MTTP: variants seen among roughly 807,000 people sequenced by gnomAD.
MTTP encodes the protein microsomal triglyceride transfer protein.
Under a neutral mutation model 90.6 loss-of-function variants are expected in MTTP, and 49 were observed. The ratio of observed to expected loss-of-function variants is 0.54; its 90% CI spans 0.43 to 0.69. The LOEUF (loss-of-function observed/expected upper bound fraction) is 0.69, where lower values mean the gene tolerates loss of function less well. MTTP is among the 30% of genes least tolerant of loss of function. The probability of loss-of-function intolerance (pLI) is 0.00; values close to 1 mark genes in which losing one functional copy is unlikely to be tolerated. For missense variants in MTTP, 945 were observed against 1,067.5 expected (o/e 0.89, Z 1.60); for synonymous variants, 347 against 384.2 (o/e 0.90, Z 1.13).
At chr4:99,617,643 C>T (rs933956996) in intron 15 of MTTP, among the ~76,000 whole-genome samples, 10 of 152,198 alleles carry the variant, frequency 6.6e-5, no homozygotes, top group Middle Eastern at 3.4e-3. Context: ...TCACTTCCAA[C>T]ACTGTCCCCA....
intron 3 of MTTP, among the ~76,000 whole-genome samples, chr4:99,585,970 T>C (rs753700448): frequency 6.6e-6 from 1 of 152,152 alleles, no homozygotes; most frequent in Non-Finnish European, 1.5e-5. Context: ...AGAGAAATTA[T>C]GGACAGGCAG....
chr4:99,596,188 G>GA (rs911968317), intron 7 of MTTP, among the ~76,000 whole-genome samples: 4 of 150,984 alleles, frequency 2.6e-5, no homozygotes, highest in Middle Eastern at 3.2e-3. Context: ...TTGAAAAAGA[G>GA]AAAAAAAAGG....
intron 15 of MTTP, among the ~76,000 whole-genome samples, chr4:99,616,716 A>G (rs1041830629): frequency 6.6e-6 from 1 of 152,198 alleles, no homozygotes; most frequent in Non-Finnish European, 1.5e-5. Context: ...AAGGGGGTCC[A>G]AGAAAATTCC....
Position 99,574,929 on chromosome 4 carries a change from T to G in MTTP, c.20T>G (p.Leu7Arg). The G allele has an allele frequency of 6.2e-7, 1 of 1,614,172 alleles. No homozygotes were observed. Residue 7 changes from leucine to arginine, a missense_variant, in exon 1 of 18, where the codon CTT (leucine) becomes CGT (arginine). Coordinates refer to ENST00000265517, the MANE Select transcript of MTTP (RefSeq NM_001386140.1). MILLAV[L>R]FLCFISSYSA... ...GTCAATATGATTCTTCTTGCTGTGC[T>G]TTTTCTCTGCTTCATTTCCTCATAT...
intron 2 of MTTP, 98 bp downstream of exon 2, chr4:99,582,190 A>G: frequency 7.9e-7 from 1 of 1,270,968 alleles, no homozygotes; most frequent in Non-Finnish European, 1.1e-6. Flanking sequence ...CCGTTTATAA[A>G]TCCATTTAGT....
At chr4:99,574,675 TAAAA>T (rs1724910082), upstream of MTTP, 1 of 904,770 alleles carries the variant, frequency 1.1e-6, no homozygotes, top group South Asian at 1.5e-5. Context: ...TGAAAAAAAT[TAAAA>T]AGAGTGAGAG....
intron 1 of MTTP, among the ~76,000 whole-genome samples, chr4:99,575,213 T>A (rs1160335655): frequency 6.6e-6 from 1 of 152,198 alleles, no homozygotes; most frequent in East Asian, 1.9e-4. Flanking sequence ...CTCAGACCAG[T>A]GTGTTCTTGC....
rs55744436 is a variant in MTTP at position 99,564,420 on chromosome 4, T to A, written c.-102+183T>A. The A allele has an allele frequency of 9.5e-3, 5,606 of 589,296 alleles. 42 individuals carry two copies. Among genetic ancestry groups the A allele is most frequent in the Admixed American group, 0.014 (404 of 28,734 alleles). 36.5% of individuals were successfully genotyped at this position (589,296 alleles called of 1,614,324 possible). A position where few individuals can be genotyped will look rare whatever the true frequency, so the allele number is the denominator to read the frequency against. The stretch of plus-strand genomic sequence containing the variant: ...ACATAACTCAAGTGGAAAATTAAAT[T>A]CAAAAAGTGAGTCAGATTCACAATA... On this transcript the variant is annotated intron_variant, in intron 1 of 18. Transcript: ENST00000457717.
At chr4:99,576,433 C>T (rs1339571259) in intron 1 of MTTP, among the ~76,000 whole-genome samples, 4 of 152,032 alleles carry the variant, frequency 2.6e-5, no homozygotes, top group African/African-American at 4.8e-5. Context: ...TGGTGGCTCA[C>T]GCCTGTAATC....
intron 1 of MTTP, among the ~76,000 whole-genome samples, chr4:99,569,633 AAAAG>A (rs564229383): frequency 7.9e-5 from 12 of 151,978 alleles, no homozygotes; most frequent in Non-Finnish European, 1.6e-4. Context: ...TAATGGCAAA[AAAAG>A]AAAATGCAAG....
At chr4:99,581,621 C>CA (rs112469528) in intron 1 of MTTP, among the ~76,000 whole-genome samples, 39 of 150,846 alleles carry the variant, frequency 2.6e-4, no homozygotes, top group Middle Eastern at 6.8e-3. Flanking sequence ...GGCATTTAAA[C>CA]AAAAAAAAAC....
chr4:99,583,315 A>G, intron 2 of MTTP, 59 bp from the exon 3 acceptor site: 1 of 1,537,310 alleles, frequency 6.5e-7, no homozygotes. Context: ...TTTCAGAGAT[A>G]CTCTGATGAA....
intron 15 of MTTP, among the ~76,000 whole-genome samples, 169 bp from the exon 16 acceptor site, chr4:99,618,805 C>T (rs994371046): frequency 2.0e-5 from 3 of 152,094 alleles, no homozygotes; most frequent in African/African-American, 4.8e-5. Flanking sequence ...AGTCTACTTC[C>T]GGTGCTTAAA....
chr4:99,600,500 G>A, intron 8 of MTTP, 65 bp from the exon 9 acceptor site: 1 of 1,476,516 alleles, frequency 6.8e-7, no homozygotes, highest in Admixed American at 1.7e-5. Context: ...CTCTGTGAAT[G>A]GTAGAGATTT....
At chr4:99,596,807 A>T (rs557053381) in intron 7 of MTTP, among the ~76,000 whole-genome samples, 1 of 152,250 alleles carries the variant, frequency 6.6e-6, no homozygotes, top group East Asian at 1.9e-4. Context: ...CCCAGAAACC[A>T]GTTAATTATT....
intron 1 of MTTP, among the ~76,000 whole-genome samples, chr4:99,577,613 AAAAAAAAAAG>A (rs919075522): frequency 6.7e-6 from 1 of 149,480 alleles, no homozygotes; most frequent in South Asian, 2.2e-4. Flanking sequence ...TTCAAAAAAA[AAAAAAAAAAG>A]AAAGAAAAGA....
chr4:99,588,091 A>G (rs189118069), intron 3 of MTTP, among the ~76,000 whole-genome samples: 1 of 152,280 alleles, frequency 6.6e-6, no homozygotes, highest in African/African-American at 2.4e-5. Flanking sequence ...TATATGTAGG[A>G]AGTAAAAATA....
intron 10 of MTTP, among the ~76,000 whole-genome samples, chr4:99,606,400 A>G (rs2110228375): frequency 6.6e-6 from 1 of 152,266 alleles, no homozygotes; most frequent in South Asian, 2.1e-4. Flanking sequence ...ACTCCATCTA[A>G]TTGTTGCTTT....
chr4:99,616,594 TGTTA>T (rs1427666269), intron 15 of MTTP, among the ~76,000 whole-genome samples: 4 of 152,290 alleles, frequency 2.6e-5, no homozygotes, highest in Non-Finnish European at 5.9e-5. Context: ...GCTCAAAACC[TGTTA>T]GTTCTACTTA....
Sources: allele counts gnomAD v4.1 joint callset (sites outside exome capture counted in the v4.1 genomes callset), GRCh38; gene constraint gnomAD v4.1.1; transcripts MANE v1.5; gene names NCBI Gene and HGNC (gene_info 2026-07-23, HGNC 2026-07-21).